SLC13A3: variants seen among roughly 807,000 people sequenced by gnomAD.
SLC13A3 encodes Na(+)/dicarboxylate cotransporter 3.
In SLC13A3, 40 loss-of-function variants were observed where a neutral mutation model predicts 59.0. The ratio of observed to expected loss-of-function variants is 0.68; its 90% CI spans 0.53 to 0.88. SLC13A3 has a LOEUF of 0.88. Ranked by LOEUF, SLC13A3 falls within the 40% of genes least tolerant of loss-of-function variation. The pLI is 0.00. For missense variants in SLC13A3, 699 were observed against 783.2 expected, an observed-to-expected ratio of 0.89 and a Z score of 1.28; for synonymous variants, 317 against 330.3, an observed-to-expected ratio of 0.96 and a Z score of 0.44.
chr20:46,562,256 G>A (rs546341569), intron 12 of SLC13A3, among the ~76,000 whole-genome samples: 70 of 152,110 alleles, frequency 4.6e-4, no homozygotes, highest in Admixed American at 2.6e-4. Context: ...AGTCTGTCCT[G>A]TCCCCGCTGT....
chr20:46,617,720 C>A (rs1252566683), intron 1 of SLC13A3, among the ~76,000 whole-genome samples: 1 of 152,188 alleles, frequency 6.6e-6, no homozygotes. Flanking sequence ...CTGCAGCACA[C>A]CACTGTGGGC....
chr20:46,655,874 T>A (rs2062983649), upstream of SLC13A3, among the ~76,000 whole-genome samples: 1 of 143,442 alleles, frequency 7.0e-6, no homozygotes, highest in South Asian at 2.1e-4. Flanking sequence ...CTGTACAGTA[T>A]ATATTATACT....
At chr20:46,655,829 A>G (rs991441059), upstream of SLC13A3, among the ~76,000 whole-genome samples, 24 of 142,530 alleles carry the variant, frequency 1.7e-4, no homozygotes, top group African/African-American at 2.3e-4. Context: ...TATATATACT[A>G]TACAGTATAT....
intron 2 of SLC13A3, among the ~76,000 whole-genome samples, chr20:46,612,826 G>A (rs1313963547): frequency 4.6e-5 from 7 of 152,206 alleles, no homozygotes; most frequent in East Asian, 3.9e-4. Context: ...CAGAGTGCCC[G>A]AGGCTCTTTA....
At chr20:46,655,407 G>T (rs1003649281), upstream of SLC13A3, among the ~76,000 whole-genome samples, 5 of 149,324 alleles carry the variant, frequency 3.3e-5, no homozygotes, top group African/African-American at 9.8e-5. Flanking sequence ...TCATGGTTAT[G>T]CAGGCTTTAC....
intron 9 of SLC13A3, chr20:46,583,307 T>A: frequency 1.1e-6 from 1 of 910,874 alleles, no homozygotes; most frequent in Non-Finnish European, 1.4e-6. Flanking sequence ...CATTTAAAAA[T>A]CTGAAAACTG....
chr20:46,677,166 G>A (rs764509696), intron 1 of SLC13A3, among the ~76,000 whole-genome samples: 8 of 152,250 alleles, frequency 5.3e-5, no homozygotes, highest in Middle Eastern at 3.4e-3. Flanking sequence ...CGCCCACCTC[G>A]GCATTCCAAA....
In SLC13A3 at chr20:46,580,313, C is replaced by T. The variant is rs568282762; in HGVS notation, c.1219+3259G>A. ...CTCCCTTTGTATAATAAGGAAACTGCTTTCTGTTTCAAAAATGGGAAAGGA... is the reference window on the plus strand; with the variant it reads ...CTCCCTTTGTATAATAAGGAAACTGTTTTCTGTTTCAAAAATGGGAAAGGA... On this transcript the variant is annotated intron_variant, in intron 9 of 12. Transcript: ENST00000279027. 1.6e-4 allele frequency among the ~76,000 whole-genome samples: 24 copies of T among 152,062 alleles called. No individual in the cohort carries two copies. In the South Asian group the frequency reaches 4.8e-3, roughly 30 times the overall value.
chr20:46,623,402 T>C (rs1457817071), intron 1 of SLC13A3, among the ~76,000 whole-genome samples: 2 of 152,188 alleles, frequency 1.3e-5, no homozygotes, highest in Non-Finnish European at 2.9e-5. Flanking sequence ...TCCTTTCCTC[T>C]CTATCTTTTT....
intron 1 of SLC13A3, among the ~76,000 whole-genome samples, chr20:46,630,327 T>G (rs2062724672): frequency 2.0e-5 from 3 of 152,204 alleles, no homozygotes. Flanking sequence ...GCCTCCTCAA[T>G]CAGTTCATCT....
intron 1 of SLC13A3, among the ~76,000 whole-genome samples, chr20:46,648,590 A>G (rs1325331817): frequency 6.6e-6 from 1 of 152,172 alleles, no homozygotes; most frequent in Non-Finnish European, 1.5e-5. Flanking sequence ...GTATTGAATT[A>G]TAACTAAGAA....
chr20:46,623,604 A>G (rs948546114), intron 1 of SLC13A3, among the ~76,000 whole-genome samples: 7 of 152,202 alleles, frequency 4.6e-5, no homozygotes, highest in African/African-American at 1.4e-4. Context: ...GGTCATGCAT[A>G]CAATGCTGTG....
intron 1 of SLC13A3, among the ~76,000 whole-genome samples, chr20:46,623,463 T>G (rs1232195770): frequency 1.3e-5 from 2 of 152,158 alleles, no homozygotes; most frequent in African/African-American, 4.8e-5. Flanking sequence ...ATTCCTGGGC[T>G]CAAGTGAACC....
At chr20:46,659,693 G>A (rs1316413625) in intron 1 of SLC13A3, among the ~76,000 whole-genome samples, 1 of 149,606 alleles carries the variant, frequency 6.7e-6, no homozygotes, top group Non-Finnish European at 1.5e-5. Context: ...TCCAGCCTGG[G>A]TGACAGAGTG....
intron 1 of SLC13A3, among the ~76,000 whole-genome samples, chr20:46,620,748 C>A (rs886520231): frequency 1.3e-5 from 2 of 152,088 alleles, no homozygotes; most frequent in African/African-American, 4.8e-5. Flanking sequence ...ATAGCCAACA[C>A]CACAGACATC....
At chr20:46,581,009 C>T (rs1389827292) in intron 9 of SLC13A3, among the ~76,000 whole-genome samples, 1 of 152,210 alleles carries the variant, frequency 6.6e-6, no homozygotes, top group Non-Finnish European at 1.5e-5. Context: ...GCAGCACTGC[C>T]TCTGAGCTAC....
intron 1 of SLC13A3, among the ~76,000 whole-genome samples, chr20:46,636,293 T>C (rs2062794781): frequency 6.6e-6 from 1 of 152,218 alleles, no homozygotes; most frequent in African/African-American, 2.4e-5. Context: ...CTCGCTAGAA[T>C]GTCAGCTGCA....
At chr20:46,583,230 C>A in intron 9 of SLC13A3, 1 of 556,250 alleles carries the variant, frequency 1.8e-6, no homozygotes, top group Non-Finnish European at 2.3e-6. Context: ...TACATGGACA[C>A]TGAAATTTAG....
intron 1 of SLC13A3, among the ~76,000 whole-genome samples, chr20:46,629,446 T>A (rs933551413): frequency 6.6e-6 from 1 of 152,250 alleles, no homozygotes; most frequent in African/African-American, 2.4e-5. Flanking sequence ...TATGTTTTAG[T>A]TTTGGAGAAA....
Sources: gnomAD v4.1 joint callset for allele counts (sites outside exome capture counted in the v4.1 genomes callset) on GRCh38, gnomAD v4.1.1 for gene constraint, MANE v1.5 for transcripts, NCBI Gene and HGNC (gene_info 2026-07-23, HGNC 2026-07-21) for gene names.